Variants in RAB11FIP4 observed in about 807,000 individuals in gnomAD.
RAB11FIP4 encodes the protein RAB11 family interacting protein 4.
Under a neutral mutation model 74.3 loss-of-function variants are expected in RAB11FIP4, and 23 were observed. The ratio of observed to expected loss-of-function variants is 0.31; its 90% CI spans 0.22 to 0.44. The LOEUF (loss-of-function observed/expected upper bound fraction) is 0.44, where lower values mean the gene tolerates loss of function less well. Among genes scored for constraint, RAB11FIP4 ranks in the 20% least tolerant of loss-of-function variants. RAB11FIP4 has a pLI of 1.00. For synonymous variants in RAB11FIP4, 360 were observed against 359.9 expected (o/e 1.00, Z 0.00); for missense variants, 630 against 863.9 (o/e 0.73, Z 3.39).
At chr17:31,437,669 G>A (rs1360838247) in intron 3 of RAB11FIP4, among the ~76,000 whole-genome samples, 4 of 152,174 alleles carry the variant, frequency 2.6e-5, no homozygotes, top group Non-Finnish European at 5.9e-5. Context: ...GGGTGTGGAC[G>A]GAGACCTCTG....
At chr17:31,422,917 C>CTT (rs35668224) in intron 1 of RAB11FIP4, among the ~76,000 whole-genome samples, 91 of 126,412 alleles carry the variant, frequency 7.2e-4, no homozygotes, top group South Asian at 9.8e-4. Flanking sequence ...TATTGATTGC[C>CTT]TTTTTTTTTT....
In RAB11FIP4 at chr17:31,536,045, G is replaced by GC. The variant is rs1328003929; in HGVS notation, c.*4313_*4314insC. ...CTGGTGTTCAGGGGAGTTGGGGGGG[G>GC]GGGGCGCGGGGACAGAAGCGCGGGT... On this transcript the variant is annotated 3_prime_UTR_variant, in exon 15 of 15. Coordinates refer to ENST00000621161, the MANE Select transcript of RAB11FIP4 (RefSeq NM_032932.6). The GC allele has an allele frequency of 6.6e-6, 1 of 151,924 alleles. No homozygotes were observed. The highest frequency in any genetic ancestry group is 1.5e-5 in the Non-Finnish European group (1 of 67,990). 9.4% of individuals were successfully genotyped at this position (151,924 alleles called of 1,614,324 possible). A position where few individuals can be genotyped will look rare whatever the true frequency, so the allele number is the denominator to read the frequency against.
intron 14 of RAB11FIP4, among the ~76,000 whole-genome samples, chr17:31,530,685 G>A (rs183524488): frequency 3.3e-5 from 5 of 152,308 alleles, no homozygotes; most frequent in East Asian, 3.9e-4. Context: ...GAAGGAGTGC[G>A]GGTTTGGTTC....
chr17:31,492,358 C>T (rs777077660), intron 3 of RAB11FIP4, among the ~76,000 whole-genome samples: 7 of 152,170 alleles, frequency 4.6e-5, no homozygotes, highest in African/African-American at 9.7e-5. Flanking sequence ...CGTGTGTTTG[C>T]GTGTCATGCG....
intron 3 of RAB11FIP4, among the ~76,000 whole-genome samples, chr17:31,463,119 G>A (rs1050114885): frequency 3.3e-5 from 5 of 152,178 alleles, no homozygotes; most frequent in East Asian, 3.8e-4. Context: ...ATGAGGAGGC[G>A]TTAACACATT....
chr17:31,468,094 C>CA (rs2071702900), intron 3 of RAB11FIP4, among the ~76,000 whole-genome samples: 1 of 152,114 alleles, frequency 6.6e-6, no homozygotes, highest in South Asian at 2.1e-4. Context: ...GCTGGAAAGG[C>CA]AAACAATAGA....
At chr17:31,422,787 A>C (rs2071212056) in intron 1 of RAB11FIP4, among the ~76,000 whole-genome samples, 1 of 151,870 alleles carries the variant, frequency 6.6e-6, no homozygotes, top group Non-Finnish European at 1.5e-5. Context: ...GAATTTCGAA[A>C]TTTCCATTTA....
chr17:31,505,106 C>T (rs181928411), intron 3 of RAB11FIP4, among the ~76,000 whole-genome samples: 243 of 152,118 alleles, frequency 1.6e-3, no homozygotes, highest in Non-Finnish European at 2.7e-3. Flanking sequence ...GGGAGGCCAG[C>T]GCCTGGTTCT....
chr17:31,466,577 G>A (rs117648516), intron 3 of RAB11FIP4, among the ~76,000 whole-genome samples: 3,202 of 152,250 alleles, frequency 0.021, 66 homozygotes, highest in Admixed American at 0.065. Context: ...AAGTTGGTTG[G>A]GGCTTCTACA....
At chr17:31,507,306 C>T (rs1385859639) in intron 3 of RAB11FIP4, among the ~76,000 whole-genome samples, 1 of 152,140 alleles carries the variant, frequency 6.6e-6, no homozygotes, top group Non-Finnish European at 1.5e-5. Flanking sequence ...GTTACAGTCC[C>T]ATTAACAGTG....
chr17:31,504,434 T>G (rs2072279828), intron 3 of RAB11FIP4, among the ~76,000 whole-genome samples: 1 of 151,874 alleles, frequency 6.6e-6, no homozygotes, highest in South Asian at 2.1e-4. Flanking sequence ...CCCGGCTAAT[T>G]TTTTTGTATT....
intron 1 of RAB11FIP4, among the ~76,000 whole-genome samples, chr17:31,408,736 C>T (rs931516300): frequency 8.5e-5 from 13 of 152,326 alleles, no homozygotes; most frequent in African/African-American, 2.9e-4. Context: ...CAGGAGACAT[C>T]GCCCCAACTG....
At chr17:31,446,077 C>G (rs2071461303) in intron 3 of RAB11FIP4, among the ~76,000 whole-genome samples, 1 of 150,370 alleles carries the variant, frequency 6.7e-6, no homozygotes, top group South Asian at 2.1e-4. Context: ...TTAAAAACTT[C>G]AGGCCACTTG....
intron 3 of RAB11FIP4, among the ~76,000 whole-genome samples, chr17:31,462,967 G>T (rs2071647615): frequency 6.6e-6 from 1 of 152,116 alleles, no homozygotes; most frequent in Non-Finnish European, 1.5e-5. Flanking sequence ...TCTCCCTCCT[G>T]ATCCTGAGCC....
intron 3 of RAB11FIP4, among the ~76,000 whole-genome samples, chr17:31,487,541 C>T (rs972366316): frequency 6.6e-6 from 1 of 151,974 alleles, no homozygotes; most frequent in Non-Finnish European, 1.5e-5. Flanking sequence ...GTTCCGACTT[C>T]ACATGAAAAG....
chr17:31,527,705 A>G, intron 10 of RAB11FIP4, 137 bp from the exon 11 acceptor site: 2 of 625,814 alleles, frequency 3.2e-6, no homozygotes, highest in Non-Finnish European at 2.8e-6. Context: ...CTTTGACATA[A>G]TAATCATATT....
intron 1 of RAB11FIP4, among the ~76,000 whole-genome samples, chr17:31,423,306 A>G (rs760021416): frequency 6.6e-5 from 10 of 152,120 alleles, no homozygotes; most frequent in Non-Finnish European, 1.5e-4. Context: ...GGACATTTGG[A>G]ATACTGTAAG....
intron 1 of RAB11FIP4, among the ~76,000 whole-genome samples, chr17:31,406,721 A>G (rs1243854904): frequency 2.6e-5 from 4 of 152,032 alleles, no homozygotes; most frequent in Non-Finnish European, 5.9e-5. Flanking sequence ...ATCAAGGGGA[A>G]TTTTTGTTTT....
Position 31,523,902 on chromosome 17 carries a change from C to T in RAB11FIP4, c.1039C>T (p.Leu347=), listed in dbSNP as rs1209431737. The T allele has an allele frequency of 6.2e-7, 1 of 1,610,798 alleles. No homozygotes were observed. Among genetic ancestry groups the T allele is most frequent in the Non-Finnish European group, 8.5e-7 (1 of 1,178,768 alleles). Residue 347 remains leucine, a synonymous_variant, in exon 9 of 15, where the codon CTG becomes TTG. Coordinates refer to ENST00000621161, the MANE Select transcript of RAB11FIP4 (RefSeq NM_032932.6). ...CGGCCCCCTGCTGCAGGTAAGCTTC[C>T]TGGAAAAGAAGGTGACAGAGCTGGA... ...DNDITEKVSF[L]EKKVTELEND...
Sources: gnomAD v4.1 joint callset for allele counts (sites outside exome capture counted in the v4.1 genomes callset) on GRCh38, gnomAD v4.1.1 for gene constraint, MANE v1.5 for transcripts, NCBI Gene and HGNC (gene_info 2026-07-23, HGNC 2026-07-21) for gene names.